Variants in NRXN3 observed in about 807,000 individuals in gnomAD.
NRXN3 encodes neurexin III.
NRXN3 carries 32 observed loss-of-function variants against 137.6 expected under a neutral mutation model. The ratio of observed to expected loss-of-function variants is 0.23; its 90% CI spans 0.18 to 0.31. The LOEUF is 0.31. Ranked by LOEUF, NRXN3 falls within the 10% of genes least tolerant of loss-of-function variation. The probability of loss-of-function intolerance (pLI) is 1.00; values close to 1 mark genes in which losing one functional copy is unlikely to be tolerated. For missense variants in NRXN3, 1,574 were observed against 2,062.5 expected (o/e 0.76, Z 4.59); for synonymous variants, 798 against 784.5 (o/e 1.02, Z -0.29).
At chr14:78,190,861 A>G (rs1167138167) in intron 1 of NRXN3, among the ~76,000 whole-genome samples, 1 of 151,918 alleles carries the variant, frequency 6.6e-6, no homozygotes, top group African/African-American at 2.4e-5. Context: ...TTTAGTAGAG[A>G]TGGGGTTTCA....
At chr14:78,658,292 G>A (rs982383339) in intron 6 of NRXN3, among the ~76,000 whole-genome samples, 11 of 152,242 alleles carry the variant, frequency 7.2e-5, no homozygotes, top group Non-Finnish European at 1.0e-4. Flanking sequence ...TTAGCAAGCC[G>A]CATGACTGTT....
chr14:78,257,772 T>C (rs375292811), intron 2 of NRXN3, among the ~76,000 whole-genome samples: 6 of 152,172 alleles, frequency 3.9e-5, no homozygotes, highest in African/African-American at 7.2e-5. Context: ...CCGGGAACCA[T>C]TGGAAGTTTT....
chr14:79,426,433 C>T (rs947288827), intron 15 of NRXN3, among the ~76,000 whole-genome samples: 17 of 152,180 alleles, frequency 1.1e-4, no homozygotes, highest in Admixed American at 2.0e-4. Context: ...AGGCAAAAGG[C>T]AGGCTAAGGG....
At chr14:78,176,226 T>C (rs2059251569) in intron 1 of NRXN3, among the ~76,000 whole-genome samples, 1 of 152,192 alleles carries the variant, frequency 6.6e-6, no homozygotes, top group Admixed American at 6.5e-5. Context: ...TAGAAAGGGC[T>C]TCTCTATCCC....
chr14:78,790,282 T>C (rs546185376), intron 8 of NRXN3, among the ~76,000 whole-genome samples: 7 of 152,336 alleles, frequency 4.6e-5, no homozygotes, highest in African/African-American at 1.7e-4. Context: ...CCTGCTTTTC[T>C]TAAAGTGATA....
chr14:79,686,874 G>A (rs1355759316), intron 17 of NRXN3, among the ~76,000 whole-genome samples: 1 of 152,184 alleles, frequency 6.6e-6, no homozygotes, highest in Non-Finnish European at 1.5e-5. Flanking sequence ...AAGACATGTA[G>A]AGGTGAGCTT....
intron 17 of NRXN3, among the ~76,000 whole-genome samples, chr14:79,678,466 C>T (rs1432871089): frequency 6.6e-6 from 1 of 152,170 alleles, no homozygotes; most frequent in Non-Finnish European, 1.5e-5. Flanking sequence ...AGGAAGTCTA[C>T]ACGTCTTTGC....
chr14:78,271,168 T>C (rs1043650953), intron 2 of NRXN3, among the ~76,000 whole-genome samples: 3 of 152,260 alleles, frequency 2.0e-5, no homozygotes, highest in African/African-American at 7.2e-5. Context: ...TCTTAGTGAT[T>C]TAACATGTAT....
intron 19 of NRXN3, among the ~76,000 whole-genome samples, chr14:79,720,100 G>A (rs910708402): frequency 1.3e-5 from 2 of 152,086 alleles, no homozygotes; most frequent in African/African-American, 4.8e-5. Context: ...AAAGGAAAGA[G>A]GTTTAATAGA....
intron 6 of NRXN3, among the ~76,000 whole-genome samples, chr14:78,693,004 A>C (rs2098187676): frequency 1.3e-5 from 2 of 151,828 alleles, no homozygotes; most frequent in African/African-American, 4.8e-5. Flanking sequence ...AATTCCTTGA[A>C]CTCAGGAGGT....
intron 15 of NRXN3, among the ~76,000 whole-genome samples, chr14:79,123,094 T>G (rs1027141527): frequency 6.6e-5 from 10 of 152,168 alleles, no homozygotes; most frequent in Admixed American, 3.9e-4. Context: ...TGTGCAACAA[T>G]TCACTGTTTT....
At chr14:78,623,142 G>A (rs983744710) in intron 4 of NRXN3, among the ~76,000 whole-genome samples, 1 of 152,176 alleles carries the variant, frequency 6.6e-6, no homozygotes, top group African/African-American at 2.4e-5. Context: ...TGACTCCAAA[G>A]CCTGAGCATT....
intron 15 of NRXN3, among the ~76,000 whole-genome samples, chr14:79,126,678 G>A (rs2056552146): frequency 1.3e-5 from 2 of 151,962 alleles, no homozygotes; most frequent in Admixed American, 1.3e-4. Context: ...ATAGTCCTTT[G>A]GGTATATACC....
intron 15 of NRXN3, among the ~76,000 whole-genome samples, chr14:79,342,319 C>T (rs2092650935): frequency 6.6e-6 from 1 of 152,202 alleles, no homozygotes; most frequent in Non-Finnish European, 1.5e-5. Flanking sequence ...TGCCAACAAC[C>T]AGCAACACAG....
At chr14:79,510,485 C>T (rs1215098421) in intron 16 of NRXN3, among the ~76,000 whole-genome samples, 1 of 152,180 alleles carries the variant, frequency 6.6e-6, no homozygotes, top group African/African-American at 2.4e-5. Flanking sequence ...AATACCTTGC[C>T]TCACTCCTGC....
rs550880486 is a variant in NRXN3, at chr14:78,871,919, C to G, written c.2275+61575C>G. On this transcript the variant is annotated intron_variant, in intron 10 of 20. Transcript: ENST00000335750. ...TCCTATCTTTTCTTTCAAGTTAAAT[C>G]TTTATGTCTCTGTTAGATTATCACA... Among the ~76,000 whole-genome samples the G allele has an allele frequency of 2.2e-4, 33 of 152,122 alleles. 1 individual carries two copies. The South Asian group carries it at 6.2e-3, about 29-fold the overall frequency.
At chr14:78,573,304 G>A (rs1260256915) in intron 4 of NRXN3, among the ~76,000 whole-genome samples, 2 of 152,180 alleles carry the variant, frequency 1.3e-5, no homozygotes, top group Non-Finnish European at 1.5e-5. Flanking sequence ...ACCCAAAAAT[G>A]TGAAAGTGAC....
chr14:79,006,791 A>C (rs1463296803), intron 15 of NRXN3, among the ~76,000 whole-genome samples: 3 of 152,112 alleles, frequency 2.0e-5, no homozygotes, highest in Non-Finnish European at 4.4e-5. Flanking sequence ...TTATAATTTT[A>C]ATAAACTTGG....
intron 15 of NRXN3, among the ~76,000 whole-genome samples, chr14:79,274,584 A>G (rs920849239): frequency 6.6e-6 from 1 of 151,774 alleles, no homozygotes; most frequent in Non-Finnish European, 1.5e-5. Context: ...AAATCTCTCT[A>G]TGAGAAACTA....
Sources: allele counts gnomAD v4.1 joint callset (sites outside exome capture counted in the v4.1 genomes callset), GRCh38; gene constraint gnomAD v4.1.1; transcripts MANE v1.5; gene names NCBI Gene and HGNC (gene_info 2026-07-23, HGNC 2026-07-21).